The following ANKRD36B variants were observed in gnomAD, a reference collection of about 807,000 sequenced individuals.
ANKRD36B encodes the protein ankyrin repeat domain-containing protein 36B.
Under a neutral mutation model 135.7 loss-of-function variants are expected in ANKRD36B, and 37 were observed. The observed-to-expected ratio is 0.27, with a 90% CI of 0.21 to 0.36. The LOEUF (loss-of-function observed/expected upper bound fraction) is 0.36, where lower values mean the gene tolerates loss of function less well. Among genes scored for constraint, ANKRD36B ranks in the 10% least tolerant of loss-of-function variants. The probability of loss-of-function intolerance (pLI) is 1.00; values close to 1 mark genes in which losing one functional copy is unlikely to be tolerated. For missense variants in ANKRD36B, 549 were observed against 1,037.1 expected, an observed-to-expected ratio of 0.53 and a Z score of 6.46; for synonymous variants, 179 against 348.1, an observed-to-expected ratio of 0.51 and a Z score of 5.41.
At chr2:97,540,010 A>T in intron 30 of ANKRD36B, 24 bp downstream of exon 30, 1 of 891,912 alleles carries the variant, frequency 1.1e-6, no homozygotes, top group South Asian at 1.3e-5. Flanking sequence ...TGAACATGAC[A>T]TTAAATGTGT....
intron 18 of ANKRD36B, among the ~76,000 whole-genome samples, chr2:97,551,063 A>G (rs892307614): frequency 2.6e-5 from 4 of 151,938 alleles, no homozygotes; most frequent in African/African-American, 7.2e-5. Context: ...ACTGCTCTCT[A>G]TATTTCTTCC....
intron 43 of ANKRD36B, among the ~76,000 whole-genome samples, chr2:97,496,528 A>G (rs1336849770): frequency 1.5e-5 from 1 of 64,880 alleles, no homozygotes; most frequent in African/African-American, 4.6e-5. Context: ...AGGAGAAGTC[A>G]ATGCCTGGCT....
chr2:97,533,125 T>A (rs2078688270), intron 34 of ANKRD36B, among the ~76,000 whole-genome samples: 1 of 97,300 alleles, frequency 1.0e-5, no homozygotes, highest in Non-Finnish European at 2.7e-5. Flanking sequence ...GTCTCTTCTT[T>A]ATATCTAAAA....
chr2:97,552,950 T>C (rs1210098708), intron 16 of ANKRD36B, among the ~76,000 whole-genome samples: 1 of 151,932 alleles, frequency 6.6e-6, no homozygotes, highest in Non-Finnish European at 1.5e-5. Flanking sequence ...CCAATTTCAA[T>C]GTGGGGAAGT....
Position 97,547,599 on chromosome 2 carries a change from C to T in ANKRD36B, c.1516G>A (p.Asp506Asn). 6.4e-7 allele frequency: 1 copy of T among 1,572,934 alleles called. No homozygotes were observed. Among genetic ancestry groups the T allele is most frequent in the South Asian group, 1.1e-5 (1 of 88,606 alleles). Reference sequence around the variant, plus strand: ...ATATTCAAAAGAGAATCTTTCTCGTCTCTTGTAGCCTGAATGGAATTTGAA... The same window carrying T: ...ATATTCAAAAGAGAATCTTTCTCGTTTCTTGTAGCCTGAATGGAATTTGAA... Reference protein sequence around the residue: ...EQPPGLKATRDEKDSLLNIAR... With the variant: ...EQPPGLKATRNEKDSLLNIAR... The change falls in exon 22 of 44, where the codon GAC becomes AAC. Residue 506 changes from aspartate to asparagine, a missense_variant. Physicochemically the swap from Asp to Asn is conservative, Grantham distance 23. Transcript: ENST00000359901.
intron 17 of ANKRD36B, 43 bp downstream of exon 17, chr2:97,551,409 C>T (rs1397533371): frequency 1.9e-6 from 3 of 1,605,628 alleles, no homozygotes; most frequent in Non-Finnish European, 2.5e-6. Context: ...GTTTCATAGG[C>T]TATACGTTTA....
chr2:97,574,244 T>C (rs1350411354), intron 6 of ANKRD36B, among the ~76,000 whole-genome samples: 2 of 152,106 alleles, frequency 1.3e-5, no homozygotes, highest in African/African-American at 4.8e-5. Context: ...GAACAGACAC[T>C]TCTCAAAAGA....
At chr2:97,589,494 T>G in intron 1 of ANKRD36B, 31 bp downstream of exon 1, 2 of 1,428,200 alleles carry the variant, frequency 1.4e-6, no homozygotes, top group South Asian at 2.4e-5. Context: ...ACAGGCCTCC[T>G]CCCGCAGCCC....
At chr2:97,530,000 G>A (rs9941712) in intron 35 of ANKRD36B, among the ~76,000 whole-genome samples, 41,250 of 94,106 alleles carry the variant, frequency 0.44, 18,346 homozygotes, top group African/African-American at 0.87. Flanking sequence ...TATAGAATCA[G>A]TGCCATCCCC....
intron 21 of ANKRD36B, 27 bp from the exon 22 acceptor site, chr2:97,547,635 A>C (rs1307612069): frequency 2.6e-6 from 4 of 1,558,144 alleles, no homozygotes; most frequent in Non-Finnish European, 3.5e-6. Context: ...ATGAAATAAT[A>C]AATTAATAAA....
At chr2:97,555,023 G>A in intron 14 of ANKRD36B, 37 bp downstream of exon 14, 1 of 1,604,744 alleles carries the variant, frequency 6.2e-7, no homozygotes, top group Non-Finnish European at 8.5e-7. Flanking sequence ...TTTCTATCTG[G>A]ACTGAACATG....
At position 97,547,545 on chromosome 2, in the gene ANKRD36B, T is replaced by A. The variant is rs758873433; in HGVS notation, c.1570A>T (p.Thr524Ser). ...IARGKKDGEK[T>S]RRVSSHKQPS... The stretch of plus-strand genomic sequence containing the variant: ...CTCTTTTCAAAATTACCTCTCCTAG[T>A]TTTTTCTCCATCTTTTTTTCCTCTG... Residue 524 changes from threonine to serine, a missense_variant, in exon 22 of 44, where the codon ACT (threonine) becomes TCT (serine). By Grantham distance (58) the Thr-to-Ser change is moderately conservative (BLOSUM62 1). Coordinates refer to ENST00000359901, the MANE Select transcript of ANKRD36B (RefSeq NM_001393939.1). 14 of 1,542,302 alleles carry A rather than the reference T, an allele frequency of 9.1e-6. No homozygotes were observed. In the African/African-American group the frequency reaches 1.5e-4, roughly 16 times the overall value.
chr2:97,531,417 G>A lies in ANKRD36B; in HGVS notation c.2265+894C>T, dbSNP rs1456829749. ...TCTGGGGACTGTTGTGGGGTGGGGG[G>A]AGGGGGGAGGGATAGCATTAGGAGG... On this transcript the variant is annotated intron_variant, in intron 35 of 43. Transcript: ENST00000359901. 6.4e-5 allele frequency among the ~76,000 whole-genome samples: 2 copies of A among 31,062 alleles called. 1 individual carries two copies. The highest frequency in any genetic ancestry group is 1.6e-4 in the Non-Finnish European group (2 of 12,616). 20.4% of individuals were successfully genotyped at this position (31,062 alleles called of 152,430 possible).
At chr2:97,562,744 T>C (rs1447734979) in intron 6 of ANKRD36B, among the ~76,000 whole-genome samples, 1 of 152,050 alleles carries the variant, frequency 6.6e-6, no homozygotes, top group Non-Finnish European at 1.5e-5. Context: ...ATCTGTACAG[T>C]CCCATTCTGA....
chr2:97,547,646 G>C (rs377539447), intron 21 of ANKRD36B, 38 bp from the exon 22 acceptor site: 13 of 1,554,704 alleles, frequency 8.4e-6, no homozygotes, highest in African/African-American at 6.9e-5. Flanking sequence ...AATTAATAAA[G>C]TATGTTTCAT....
At chr2:97,555,031 A>G in intron 14 of ANKRD36B, 29 bp downstream of exon 14, 3 of 1,608,750 alleles carry the variant, frequency 1.9e-6, no homozygotes, top group Non-Finnish European at 2.5e-6. Context: ...TGGACTGAAC[A>G]TGACATTAAA....
chr2:97,557,165 A>T (rs779174229), intron 10 of ANKRD36B, 33 bp from the exon 11 acceptor site: 2 of 1,505,926 alleles, frequency 1.3e-6, no homozygotes, highest in South Asian at 1.3e-5. Flanking sequence ...AATTCATCAT[A>T]TGTAAATATG....
At chr2:97,551,894 A>G (rs1312883936) in intron 16 of ANKRD36B, among the ~76,000 whole-genome samples, 1 of 151,962 alleles carries the variant, frequency 6.6e-6, no homozygotes, top group East Asian at 1.9e-4. Context: ...TTATAATACA[A>G]ACATGCATCA....
At position 97,536,853 on chromosome 2, in the gene ANKRD36B, C is replaced by A. The variant is rs1428989961; in HGVS notation, c.2090-357G>T. On this transcript the variant is annotated intron_variant, in intron 32 of 43. Coordinates refer to ENST00000359901, the MANE Select transcript of ANKRD36B (RefSeq NM_001393939.1). ...GTGTAAAAGCTGGTGCTAACTGCGACTACATGACTTTCATACAAGACATCA... is the reference window on the plus strand; with the variant it reads ...GTGTAAAAGCTGGTGCTAACTGCGAATACATGACTTTCATACAAGACATCA... Among the ~76,000 whole-genome samples the A allele has an allele frequency of 4.1e-5, 4 of 97,116 alleles. 2 individuals carry two copies. The East Asian group carries it at 9.2e-4, about 22-fold the overall frequency. 63.7% of individuals were successfully genotyped at this position (97,116 alleles called of 152,430 possible).
Sources: allele counts gnomAD v4.1 joint callset (sites outside exome capture counted in the v4.1 genomes callset), GRCh38; gene constraint gnomAD v4.1.1; transcripts MANE v1.5; gene names NCBI Gene and HGNC (gene_info 2026-07-23, HGNC 2026-07-21).